Variants in DEFB104A observed in about 807,000 individuals in gnomAD.
The protein encoded by DEFB104A is beta-defensin 104.
chr8:7,838,607 G>A (rs1333145853), intron 1 of DEFB104A, among the ~76,000 whole-genome samples: 2 of 146,190 alleles, frequency 1.4e-5, no homozygotes, highest in African/African-American at 5.0e-5. Context: ...TTGAACCCAA[G>A]AGGTGGAGGT....
At chr8:7,837,178 T>G (rs1817666473) in intron 1 of DEFB104A, among the ~76,000 whole-genome samples, 2 of 140,040 alleles carry the variant, frequency 1.4e-5, no homozygotes, top group South Asian at 2.5e-4. Flanking sequence ...CCCAGAAGCA[T>G]GTATTTCTTA....
At chr8:7,839,118 G>A (rs71242674) in intron 1 of DEFB104A, among the ~76,000 whole-genome samples, 13 of 137,914 alleles carry the variant, frequency 9.4e-5, no homozygotes, top group South Asian at 2.2e-4. Flanking sequence ...GCTGTGTGAC[G>A]TCAGATTAGT....
At chr8:7,838,634 C>A (rs879430184) in intron 1 of DEFB104A, among the ~76,000 whole-genome samples, 1 of 145,438 alleles carries the variant, frequency 6.9e-6, no homozygotes, top group African/African-American at 2.5e-5. Flanking sequence ...GAGCTGAGAT[C>A]GTGCCATTGC....
rs76117047 is a variant in DEFB104A, at chr8:7,838,635, G to A, written c.58+2093G>A. Among the ~76,000 whole-genome samples, 889 of 145,786 alleles carry A rather than the reference G, an allele frequency of 6.1e-3. 9 individuals are homozygous for A. Among genetic ancestry groups the A allele is most frequent in the Admixed American group, 0.049 (704 of 14,340 alleles). On this transcript the variant is annotated intron_variant, in intron 1 of 1. Transcript: ENST00000314265. ...GTGGAGGTTGCAGTGAGCTGAGATC[G>A]TGCCATTGCACTCTACCCTAGGCGA...
At chr8:7,839,052 A>T (rs576161829) in intron 1 of DEFB104A, among the ~76,000 whole-genome samples, 1 of 143,376 alleles carries the variant, frequency 7.0e-6, no homozygotes, top group South Asian at 2.2e-4. Flanking sequence ...CATTCTGTTT[A>T]CTGAGACTGT....
At position 7,839,306 on chromosome 8, in the gene DEFB104A, T is replaced by C. The variant is rs529475045; in HGVS notation, c.59-1728T>C. On this transcript the variant is annotated intron_variant, in intron 1 of 1. Transcript: ENST00000314265. ...GCATGCTGTCCTCTTTTTCCTCCTC[T>C]AACTCCAGGTTGTAAAGCGACCTGC... Among the ~76,000 whole-genome samples, 22 of 144,562 alleles carry C rather than the reference T, an allele frequency of 1.5e-4. No individual in the cohort carries two copies. In the East Asian group the frequency reaches 4.4e-3, roughly 29 times the overall value. 94.8% of individuals were successfully genotyped at this position (144,562 alleles called of 152,430 possible).
rs201347409 is a variant in DEFB104A, at chr8:7,838,705, A to C, written c.58+2163A>C. Among the ~76,000 whole-genome samples, 20 of 75,870 alleles carry C rather than the reference A, an allele frequency of 2.6e-4. No homozygotes were observed. The East Asian group carries it at 8.2e-3, about 31-fold the overall frequency. 49.8% of individuals were successfully genotyped at this position (75,870 alleles called of 152,430 possible). On this transcript the variant is annotated intron_variant, in intron 1 of 1. Transcript: ENST00000314265. ...AAAAAAAACCAAAAAAACAAACAAA[A>C]AAAAAAACAAAGCAAATCTTACACG...
chr8:7,838,712 A>AAC (rs1817698153), intron 1 of DEFB104A, among the ~76,000 whole-genome samples: 4 of 142,044 alleles, frequency 2.8e-5, no homozygotes, highest in African/African-American at 1.0e-4. Flanking sequence ...AAAAAAAAAA[A>AAC]CAAAGCAAAT....
chr8:7,838,725 T>C (rs1370293003), intron 1 of DEFB104A, among the ~76,000 whole-genome samples: 1 of 141,618 alleles, frequency 7.1e-6, no homozygotes, highest in Non-Finnish European at 1.6e-5. Context: ...AAGCAAATCT[T>C]ACACGTCTTG....
chr8:7,837,390 G>A lies in DEFB104A; in HGVS notation c.58+848G>A, dbSNP rs1817670742. Among the ~76,000 whole-genome samples, 8 of 141,830 alleles carry A rather than the reference G, an allele frequency of 5.6e-5. No homozygotes were observed. The South Asian group carries it at 2.0e-3, about 35-fold the overall frequency. The allele number at this position is 141,830 out of a possible 152,430, so 93.0% of individuals were successfully genotyped here. On this transcript the variant is annotated intron_variant, in intron 1 of 1. Coordinates refer to ENST00000314265, the MANE Select transcript of DEFB104A (RefSeq NM_080389.3). Reference sequence around the variant, plus strand: ...TCCAAGCTGCTCAGTCAATTTTATGGGGCTTTGACAGACACCCAGCACCCA... The same window carrying A: ...TCCAAGCTGCTCAGTCAATTTTATGAGGCTTTGACAGACACCCAGCACCCA...
intron 1 of DEFB104A, among the ~76,000 whole-genome samples, chr8:7,838,595 G>A (rs1440367878): frequency 6.9e-6 from 1 of 145,656 alleles, no homozygotes; most frequent in African/African-American, 2.5e-5. Flanking sequence ...CAGGAGAATC[G>A]CTTGAACCCA....
intron 1 of DEFB104A, among the ~76,000 whole-genome samples, chr8:7,836,823 C>G (rs1817659573): frequency 7.0e-6 from 1 of 142,648 alleles, no homozygotes. Context: ...CACACGGTAA[C>G]AATTCCTCAT....
chr8:7,839,074 A>G (rs1817705886), intron 1 of DEFB104A, among the ~76,000 whole-genome samples: 1 of 143,496 alleles, frequency 7.0e-6, no homozygotes, highest in Non-Finnish European at 1.6e-5. Context: ...AGACATACCA[A>G]CTAGGTTTTT....
intron 1 of DEFB104A, among the ~76,000 whole-genome samples, chr8:7,837,393 C>A (rs1389023536): frequency 2.8e-5 from 4 of 142,092 alleles, no homozygotes; most frequent in Admixed American, 7.3e-5. Context: ...TTTTATGGGG[C>A]TTTGACAGAC....
intron 1 of DEFB104A, among the ~76,000 whole-genome samples, chr8:7,836,878 G>A (rs1817661057): frequency 7.1e-6 from 1 of 141,814 alleles, no homozygotes; most frequent in African/African-American, 2.6e-5. Context: ...TTGTTCCATT[G>A]CAGGGCAACA....
chr8:7,839,633 C>A (rs1817720112), intron 1 of DEFB104A, among the ~76,000 whole-genome samples: 1 of 96,282 alleles, frequency 1.0e-5, no homozygotes. Context: ...GGAGGCTTCT[C>A]TTTACCAGAA....
At chr8:7,836,847 A>G (rs2739960) in intron 1 of DEFB104A, among the ~76,000 whole-genome samples, 37,107 of 126,098 alleles carry the variant, frequency 0.29, 5,199 homozygotes, top group East Asian at 0.49. Flanking sequence ...ATCCTCAGCA[A>G]TGAGGACTCA....
chr8:7,840,056 C>T (rs1395047126), intron 1 of DEFB104A, among the ~76,000 whole-genome samples: 2 of 152,380 alleles, frequency 1.3e-5, no homozygotes, highest in East Asian at 1.9e-4. Flanking sequence ...AAGCTAAATC[C>T]ATGTCTCCTG....
intron 1 of DEFB104A, among the ~76,000 whole-genome samples, chr8:7,839,312 C>A (rs1361835536): frequency 6.9e-6 from 1 of 144,566 alleles, no homozygotes; most frequent in African/African-American, 2.5e-5. Flanking sequence ...CCTCTAACTC[C>A]AGGTTGTAAA....
Sources: gnomAD v4.1 joint callset for allele counts (sites outside exome capture counted in the v4.1 genomes callset) on GRCh38, gnomAD v4.1.1 for gene constraint, MANE v1.5 for transcripts, NCBI Gene and HGNC (gene_info 2026-07-23, HGNC 2026-07-21) for gene names.